Variants in LAMB3 observed in about 807,000 individuals in gnomAD.
LAMB3 encodes the protein laminin subunit beta-3.
Under a neutral mutation model 140.3 loss-of-function variants are expected in LAMB3, and 104 were observed. The observed-to-expected ratio is 0.74, with a 90% CI of 0.63 to 0.87. The LOEUF (loss-of-function observed/expected upper bound fraction) is 0.87. LAMB3 is among the 40% of genes least tolerant of loss of function. The pLI is 0.00. For synonymous variants in LAMB3, 592 were observed against 602.9 expected (o/e 0.98, Z 0.26); for missense variants, 1,531 against 1,575.2 (o/e 0.97, Z 0.47).
Position 209,638,651 on chromosome 1 carries a change from G to A in LAMB3, c.184-3C>T. 1 of 1,595,760 alleles carries A rather than the reference G, an allele frequency of 6.3e-7. No individual in the cohort carries two copies. Among genetic ancestry groups the A allele is most frequent in the Non-Finnish European group, 8.6e-7 (1 of 1,163,210 alleles). ...CACTTGCAGCATTTCATCTGCCACT[G>A]TGGGAGAGGGAGATAGCAGACACTC... is the stretch of plus-strand genomic sequence containing the variant. On this transcript the variant is annotated splice_region_variant and splice_polypyrimidine_tract_variant and intron_variant, in intron 3 of 22. Transcript: ENST00000356082.
rs2102446270 is a variant in LAMB3 at position 209,638,604 on chromosome 1, G to A, written c.228C>T (p.Asn76=). 1 of 1,614,130 alleles carries A rather than the reference G, an allele frequency of 6.2e-7. No individual in the cohort carries two copies. The highest frequency in any genetic ancestry group is 1.1e-5 in the South Asian group (1 of 91,090). ...CATTCTCTACTCGGTGACTGTAGTAGTTGTGAGGCTGCCTGGAGTCACACT... is the reference window on the plus strand; with the variant it reads ...CATTCTCTACTCGGTGACTGTAGTAATTGTGAGGCTGCCTGGAGTCACACT... ...CCKCDSRQPH[N]YYSHRVENVA... Residue 76 remains asparagine, a synonymous_variant, in exon 4 of 23, where the codon AAC becomes AAT. Transcript: ENST00000356082.
At position 209,628,120 on chromosome 1, in the gene LAMB3, GCA is replaced by G. The variant is rs775285992; in HGVS notation, c.1201_1202del (p.Cys401GlnfsTer10). On this transcript the variant is annotated frameshift_variant, in exon 11 of 23. Coordinates refer to ENST00000356082, the MANE Select transcript of LAMB3 (RefSeq NM_000228.3). LOFTEE classifies it high-confidence loss of function. The stretch of plus-strand genomic sequence containing the variant: ...AGCGCTCTCCCTGCACATGCTCCTT[GCA>G]CACACACTGCCCGGTCACTGGGTCA... Reference protein sequence around the residue: ...PCDPVTGQCVCKEHVQGERCD... With the variant: ...PCDPVTGQCVXKEHVQGERCD... The G allele has an allele frequency of 1.9e-6, 3 of 1,592,312 alleles. No homozygotes were observed. The South Asian group carries it at 3.4e-5, about 18-fold the overall frequency.
rs1401679795 is a variant in LAMB3 at position 209,625,881 on chromosome 1, G to C, written c.1743C>G (p.Cys581Trp). 6.2e-7 allele frequency: 1 copy of C among 1,613,938 alleles called. No individual in the cohort carries two copies. Among genetic ancestry groups the C allele is most frequent in the South Asian group, 1.1e-5 (1 of 91,078 alleles). Residue 581 changes from cysteine to tryptophan, a missense_variant, in exon 14 of 23, where the codon TGC becomes TGG. Cys to Trp is a radical substitution (Grantham distance 215). Transcript: ENST00000356082. The stretch of plus-strand genomic sequence containing the variant: ...CATCATAGGTCTGGAAGCAAGGGTG[G>C]CAGGCCACGCACACCGGGTAGCGAT... Reference protein sequence around the residue: ...YCNRYPVCVACHPCFQTYDAD... With the variant: ...YCNRYPVCVAWHPCFQTYDAD...
At chr1:209,630,540 G>A (rs112465043) in intron 9 of LAMB3, 75 bp downstream of exon 9, 10 of 1,526,804 alleles carry the variant, frequency 6.5e-6, no homozygotes, top group Admixed American at 3.4e-5. Context: ...TGCATCCCAG[G>A]TGAGATCATC....
At chr1:209,637,039 G>A (rs989932739) in intron 5 of LAMB3, among the ~76,000 whole-genome samples, 9 of 152,344 alleles carry the variant, frequency 5.9e-5, no homozygotes, top group South Asian at 2.1e-4. Flanking sequence ...ACAGGTGAGC[G>A]ATGATAAAGT....
intron 22 of LAMB3, among the ~76,000 whole-genome samples, chr1:209,616,072 T>C (rs1348514819): frequency 6.6e-6 from 1 of 152,178 alleles, no homozygotes; most frequent in African/African-American, 2.4e-5. Flanking sequence ...TCAAATCTTC[T>C]TTTCTTACCT....
At chr1:209,625,550 G>C in intron 14 of LAMB3, 98 bp downstream of exon 14, 4 of 1,434,138 alleles carry the variant, frequency 2.8e-6, no homozygotes, top group Non-Finnish European at 3.9e-6. Flanking sequence ...CCTTTAAACT[G>C]TAATGCACTG....
intron 8 of LAMB3, among the ~76,000 whole-genome samples, chr1:209,632,049 G>T (rs17388638): frequency 6.6e-6 from 1 of 152,142 alleles, no homozygotes; most frequent in Admixed American, 6.5e-5. Flanking sequence ...AAACTGGAAC[G>T]TCTCAAACCC....
At chr1:209,620,920 G>A (rs1249995311) in intron 18 of LAMB3, among the ~76,000 whole-genome samples, 1 of 152,180 alleles carries the variant, frequency 6.6e-6, no homozygotes, top group Admixed American at 6.5e-5. Context: ...AGCGCTCAGT[G>A]GCTTCTGCAC....
Position 209,626,026 on chromosome 1 carries a change from G to T in LAMB3, c.1598C>A (p.Ala533Asp). 6.2e-7 allele frequency: 1 copy of T among 1,612,408 alleles called. No homozygotes were observed. The highest frequency in any genetic ancestry group is 8.5e-7 in the Non-Finnish European group (1 of 1,179,024). Residue 533 changes from alanine (A) to aspartate (D), a missense_variant and splice_region_variant, in exon 14 of 23, where the codon GCC becomes GAC. Transcript: ENST00000356082. ...TGTTCCCCGGAAATCACAGTCACAG[G>T]CTAGGGCCAAGAAAAATGACAGTCA... ...TYGDVATGCR[A>D]CDCDFRGTEG...
At chr1:209,641,577 C>G (rs1161685099) in intron 3 of LAMB3, among the ~76,000 whole-genome samples, 1 of 152,156 alleles carries the variant, frequency 6.6e-6, no homozygotes, top group Non-Finnish European at 1.5e-5. Flanking sequence ...TAAAGGGTAG[C>G]AGTCTCTGTC....
rs1666280795 is a variant in LAMB3, at chr1:209,623,359, A to G, written c.2358+146T>C. ...TTTCCTTGGCAACCACTGAGCTCAC[A>G]GTGAGCAGTACAAGGGTCGGGATGG... is the stretch of plus-strand genomic sequence containing the variant. On this transcript the variant is annotated intron_variant, in intron 16 of 22. Coordinates refer to ENST00000356082, the MANE Select transcript of LAMB3 (RefSeq NM_000228.3). This position sits in a 1 kb window ranked among gnomAD's most constrained non-coding sequence, Gnocchi z 4.2. 9.9e-7 allele frequency: 1 copy of G among 1,010,252 alleles called. No individual in the cohort carries two copies. 62.6% of individuals were successfully genotyped at this position (1,010,252 alleles called of 1,614,324 possible). A position where few individuals can be genotyped will look rare whatever the true frequency, so the allele number is the denominator to read the frequency against.
Position 209,638,514 on chromosome 1 carries a change from C to A in LAMB3, c.298+20G>T. On this transcript the variant is annotated intron_variant, in intron 4 of 22. Coordinates refer to ENST00000356082, the MANE Select transcript of LAMB3 (RefSeq NM_000228.3). ...GTGGAGGCTGTACAGTTTGAGTTCC[C>A]GTAGATGGCAAATGCTCACCATTCT... 6.6e-7 allele frequency: 1 copy of A among 1,510,052 alleles called. No individual in the cohort carries two copies. Among genetic ancestry groups the A allele is most frequent in the East Asian group, 2.2e-5 (1 of 44,454 alleles). The allele number at this position is 1,510,052 out of a possible 1,614,324, so 93.5% of individuals were successfully genotyped here.
Position 209,615,199 on chromosome 1 carries a change from T to A in LAMB3, c.*72A>T. 4 of 1,604,364 alleles carry A rather than the reference T, an allele frequency of 2.5e-6. No individual in the cohort carries two copies. The highest frequency in any genetic ancestry group is 3.4e-6 in the Non-Finnish European group (4 of 1,173,728). On this transcript the variant is annotated 3_prime_UTR_variant, in exon 23 of 23. Coordinates refer to ENST00000356082, the MANE Select transcript of LAMB3 (RefSeq NM_000228.3). ...AAAGTCTCCTGGAGATGGAAAGCATTCCAACCCAATCTGCCCCCAACCAAA... is the reference window on the plus strand; with the variant it reads ...AAAGTCTCCTGGAGATGGAAAGCATACCAACCCAATCTGCCCCCAACCAAA...
rs767931599 is a variant in LAMB3, at chr1:209,625,700, C to T, written c.1924G>A (p.Ala642Thr). The T allele has an allele frequency of 8.9e-5, 143 of 1,614,010 alleles. 1 individual carries two copies. The South Asian group carries it at 1.0e-3, about 11-fold the overall frequency. The change falls in exon 14 of 23, where the codon GCA (alanine) becomes ACA (threonine). Residue 642 changes from alanine (A) to threonine (T), a missense_variant. Transcript: ENST00000356082. ...TGAGCCACCTCCTGCTCTGTGACTG[C>T]GGGGCTGCTGAGAACTGCTCGGATC... ...EQIRAVLSSPAVTEQEVAQVA... is the reference protein window; with the variant it reads ...EQIRAVLSSPTVTEQEVAQVA...
chr1:209,618,061 A>G lies in LAMB3; in HGVS notation c.2910-13T>C. The G allele has an allele frequency of 6.2e-7, 1 of 1,614,170 alleles. No homozygotes were observed. The highest frequency in any genetic ancestry group is 8.5e-7 in the Non-Finnish European group (1 of 1,180,024). ...ATGGGCTCGGCTCCTGGGTGAGAGA[A>G]GCAGCAGGGAGAGGAGAGAGAGAAT... On this transcript the variant is annotated splice_polypyrimidine_tract_variant and intron_variant, in intron 19 of 22. Transcript: ENST00000356082.
At chr1:209,627,282 G>T in intron 12 of LAMB3, 101 bp downstream of exon 12, 1 of 970,592 alleles carries the variant, frequency 1.0e-6, no homozygotes, top group East Asian at 2.6e-5. Context: ...CAGTCTGACA[G>T]GGGAGAGGCC....
At chr1:209,645,932 T>C (rs180825110) in intron 3 of LAMB3, among the ~76,000 whole-genome samples, 1 of 152,326 alleles carries the variant, frequency 6.6e-6, no homozygotes, top group East Asian at 1.9e-4. Flanking sequence ...AGGGTGCATT[T>C]ACATGCATGT....
Position 209,626,973 on chromosome 1 carries a change from TG to T in LAMB3, c.1490del (p.Thr497LysfsTer13). 1 of 1,610,828 alleles carries T rather than the reference TG, an allele frequency of 6.2e-7. No individual in the cohort carries two copies. The highest frequency in any genetic ancestry group is 8.5e-7 in the Non-Finnish European group (1 of 1,177,876). ...AGCCTTCCCGACAGGGGCACTGCCC[TG>T]TGAACTGCGTGGGGAGAGCACCGTC... ...NSLSPQCNQF[T>X]GQCPCREGFG... On this transcript the variant is annotated frameshift_variant, in exon 13 of 23. Coordinates refer to ENST00000356082, the MANE Select transcript of LAMB3 (RefSeq NM_000228.3). LOFTEE classifies it high-confidence loss of function.
Sources: gnomAD v4.1 joint callset for allele counts (sites outside exome capture counted in the v4.1 genomes callset) on GRCh38, gnomAD v4.1.1 for gene constraint, Gnocchi (gnomAD v3.1) non-coding constraint, MANE v1.5 for transcripts, NCBI Gene and HGNC (gene_info 2026-07-23, HGNC 2026-07-21) for gene names.